The following CEACAM21 variants were observed in gnomAD, a reference collection of about 807,000 sequenced individuals.
CEACAM21 encodes the protein cell adhesion molecule CEACAM21.
Under a neutral mutation model 33.2 loss-of-function variants are expected in CEACAM21, and 38 were observed. That is an observed-to-expected ratio of 1.14 (90% confidence interval 0.88 to 1.50). The LOEUF (loss-of-function observed/expected upper bound fraction) is 1.50, where lower values mean the gene tolerates loss of function less well. CEACAM21 is among the 40% of genes most tolerant of loss of function. CEACAM21 has a pLI of 0.00. For synonymous variants in CEACAM21, 156 were observed against 143.0 expected (o/e 1.09, Z -0.65); for missense variants, 385 against 364.6 (o/e 1.06, Z -0.46).
At position 41,584,347 on chromosome 19, in the gene CEACAM21, C is replaced by G; in HGVS notation, c.701C>G (p.Ser234Ter). The stretch of plus-strand genomic sequence containing the variant: ...CATCCCCTTTGCCTTCTTCTTTCAG[C>G]AGATGACAACACTCTAGGCATCCTG... ...RSDPLKLTVK[S>*]DDNTLGILIG... is the part of the protein sequence containing the mutation. Residue 234 changes from serine to a stop codon, truncating the protein, a stop_gained and splice_region_variant, in exon 4 of 7, where the codon TCA becomes TGA. Coordinates refer to ENST00000401445, the MANE Select transcript of CEACAM21 (RefSeq NM_001098506.4). LOFTEE classifies it high-confidence loss of function. 6.2e-7 allele frequency: 1 copy of G among 1,609,778 alleles called. No homozygotes were observed. Among genetic ancestry groups the G allele is most frequent in the Non-Finnish European group, 8.5e-7 (1 of 1,177,726 alleles).
At chr19:41,581,758 G>T (rs1173422332) in intron 3 of CEACAM21, among the ~76,000 whole-genome samples, 2 of 152,114 alleles carry the variant, frequency 1.3e-5, no homozygotes, top group East Asian at 3.9e-4. Context: ...AGAACAGCAT[G>T]GGAAGAATCC....
chr19:41,571,196 C>G (rs1477501123), upstream of CEACAM21, among the ~76,000 whole-genome samples: 1 of 152,140 alleles, frequency 6.6e-6, no homozygotes, highest in Non-Finnish European at 1.5e-5. Context: ...CTGATCCACA[C>G]TAATCTCTAA....
At chr19:41,565,563 C>CACAG (rs1491391681) in intron 2 of CEACAM21, 61,486 of 138,968 alleles carry the variant, frequency 0.44, 16,947 homozygotes, top group African/African-American at 0.8. Flanking sequence ...CCTTGTTTTT[C>CACAG]ACAGACAGGC....
intron 3 of CEACAM21, among the ~76,000 whole-genome samples, chr19:41,581,026 G>T (rs1202486422): frequency 6.6e-6 from 1 of 152,248 alleles, no homozygotes; most frequent in Non-Finnish European, 1.5e-5. Context: ...GAAAATGGGT[G>T]TATTAGTCTG....
At position 41,583,185 on chromosome 19, in the gene CEACAM21, C is replaced by T. The variant is rs952597071; in HGVS notation, c.701-1162C>T. Among the ~76,000 whole-genome samples the T allele has an allele frequency of 2.0e-5, 3 of 152,230 alleles. No homozygotes were observed. The South Asian group carries it at 6.2e-4, about 32-fold the overall frequency. On this transcript the variant is annotated intron_variant, in intron 3 of 6. Coordinates refer to ENST00000401445, the MANE Select transcript of CEACAM21 (RefSeq NM_001098506.4). ...GTTCTGCAGATCTCTAGGGCAGGGG[C>T]AAAATACCACCAATCTCTTTTCTAG... is the stretch of plus-strand genomic sequence containing the variant.
intron 2 of CEACAM21, chr19:41,565,535 C>A (rs1004968728): frequency 9.1e-6 from 1 of 110,028 alleles, no homozygotes; most frequent in South Asian, 3.1e-4. Flanking sequence ...TCCAGTCTTC[C>A]CCCCCGCCCC....
intron 3 of CEACAM21, among the ~76,000 whole-genome samples, chr19:41,583,357 T>C (rs574766332): frequency 6.6e-6 from 1 of 152,316 alleles, no homozygotes; most frequent in South Asian, 2.1e-4. Flanking sequence ...TTCAAACTTT[T>C]TTCCTGTGTC....
chr19:41,556,113 C>G (rs1396703117), intron 1 of CEACAM21, among the ~76,000 whole-genome samples: 1 of 152,166 alleles, frequency 6.6e-6, no homozygotes, highest in African/African-American at 2.4e-5. Flanking sequence ...GTGTATTTCT[C>G]AAGGAATTTC....
intron 1 of CEACAM21, chr19:41,551,427 G>C (rs1390213933): frequency 6.6e-6 from 1 of 152,192 alleles, no homozygotes; most frequent in Non-Finnish European, 1.5e-5. Flanking sequence ...CAAAGTGCTG[G>C]GATTACAGGC....
rs1233661952 is a variant in CEACAM21 at position 41,585,690 on chromosome 19, C to G, written c.851-150C>G. The G allele has an allele frequency of 2.8e-5, 28 of 1,014,544 alleles. No homozygotes were observed. In the South Asian group the frequency reaches 4.0e-4, roughly 14 times the overall value. The allele number at this position is 1,014,544 out of a possible 1,614,324, so 62.8% of individuals were successfully genotyped here. On this transcript the variant is annotated intron_variant, in intron 5 of 6. Coordinates refer to ENST00000401445, the MANE Select transcript of CEACAM21 (RefSeq NM_001098506.4). The stretch of plus-strand genomic sequence containing the variant: ...CGGGCTCTGGGTCATGGGTCACTTC[C>G]TCAACCTCACTTGCTTACTTGACCC...
intron 4 of CEACAM21, 62 bp from the exon 5 acceptor site, chr19:41,585,381 T>C (rs953050841): frequency 1.3e-6 from 2 of 1,575,716 alleles, no homozygotes; most frequent in Non-Finnish European, 1.7e-6. Context: ...TGGTCCCCTA[T>C]TTTAACTCCA....
At chr19:41,575,277 C>T (rs1449255038), upstream of CEACAM21, among the ~76,000 whole-genome samples, 20 of 152,120 alleles carry the variant, frequency 1.3e-4, no homozygotes, top group African/African-American at 4.8e-4. Context: ...GGTTGTACAA[C>T]ATTGTGAATA....
rs753744533 is a variant in CEACAM21 at position 41,579,553 on chromosome 19, G to C, written c.625G>C (p.Ala209Pro). 2 of 1,607,578 alleles carry C rather than the reference G, an allele frequency of 1.2e-6. No individual in the cohort carries two copies. The highest frequency in any genetic ancestry group is 1.3e-5 in the African/African-American group (1 of 74,886). ...LTIDPIRQED[A>P]GEYQCEVSNP... ...CATAGACCCCATCAGGCAGGAGGAC[G>C]CTGGGGAGTATCAGTGTGAGGTCTC... Residue 209 changes from alanine to proline, a missense_variant, in exon 3 of 7, where the codon GCT (alanine) becomes CCT (proline). Transcript: ENST00000401445.
chr19:41,576,973 G>A (rs77705252), intron 1 of CEACAM21, among the ~76,000 whole-genome samples: 4,788 of 152,166 alleles, frequency 0.031, 248 homozygotes, highest in African/African-American at 0.11. Context: ...TGAAGGCAGT[G>A]GGGAGGGAAC....
intron 1 of CEACAM21, chr19:41,550,193 G>C (rs2041130931): frequency 1.3e-5 from 2 of 152,220 alleles, no homozygotes; most frequent in Non-Finnish European, 2.9e-5. Context: ...GAACAAAGAA[G>C]TTTGGTTTAA....
rs940990824 is a variant in CEACAM21 at position 41,569,441 on chromosome 19, C to T, written c.-404+4385C>T. ...TTGTCCAGCCAGCATAGTCTTGAAC[C>T]CCTGGGCTCAAGCAGTCCACCCATA... On this transcript the variant is annotated intron_variant, in intron 2 of 7. Transcript: ENST00000407170. Among the ~76,000 whole-genome samples the T allele has an allele frequency of 4.6e-5, 7 of 151,958 alleles. No individual in the cohort carries two copies. The South Asian group carries it at 1.5e-3, about 32-fold the overall frequency.
At chr19:41,584,586 C>T in intron 4 of CEACAM21, 143 bp downstream of exon 4, 5 of 729,246 alleles carry the variant, frequency 6.9e-6, no homozygotes, top group Non-Finnish European at 1.2e-5. Flanking sequence ...TCCATGGCAC[C>T]TTCCTCACCA....
chr19:41,552,189 C>A (rs1379455041), intron 1 of CEACAM21: 1 of 152,048 alleles, frequency 6.6e-6, no homozygotes, highest in Non-Finnish European at 1.5e-5. Flanking sequence ...TCTTGGAGAC[C>A]TTTCTCTGGA....
At chr19:41,573,517 C>G (rs782116012), upstream of CEACAM21, among the ~76,000 whole-genome samples, 5 of 152,170 alleles carry the variant, frequency 3.3e-5, no homozygotes, top group Non-Finnish European at 7.3e-5. Flanking sequence ...CACCCAACAC[C>G]CAAACCCCAG....
Sources: allele counts gnomAD v4.1 joint callset (sites outside exome capture counted in the v4.1 genomes callset), GRCh38; gene constraint gnomAD v4.1.1; transcripts MANE v1.5; gene names NCBI Gene and HGNC (gene_info 2026-07-23, HGNC 2026-07-21).